SOX6: variants seen among roughly 807,000 people sequenced by gnomAD.
The protein encoded by SOX6 is SRY-box transcription factor 6, also known as transcription factor SOX-6.
Under a neutral mutation model 97.8 loss-of-function variants are expected in SOX6, and 11 were observed. The observed-to-expected ratio is 0.11, with a 90% CI of 0.07 to 0.19. SOX6 has a LOEUF of 0.19. SOX6 is among the 10% of genes least tolerant of loss of function. The pLI is 1.00. For synonymous variants in SOX6, 360 were observed against 371.4 expected (o/e 0.97, Z 0.35); for missense variants, 810 against 1,039.5 (o/e 0.78, Z 3.04).
intron 1 of SOX6, among the ~76,000 whole-genome samples, chr11:16,429,590 A>G (rs1859227435): frequency 6.6e-6 from 1 of 152,178 alleles, no homozygotes; most frequent in Non-Finnish European, 1.5e-5. Flanking sequence ...AAAACCAAAT[A>G]CCACATGTTA....
chr11:16,579,944 C>CTCCAGTTATTATTT (rs768493539), intron 4 of SOX6, among the ~76,000 whole-genome samples: 3 of 152,146 alleles, frequency 2.0e-5, no homozygotes, highest in Non-Finnish European at 4.4e-5. Flanking sequence ...CCCTCACCAA[C>CTCCAGTTATTATTT]ACGCAAGGCA....
upstream of SOX6, among the ~76,000 whole-genome samples, chr11:16,477,551 A>C (rs1322795404): frequency 1.3e-5 from 2 of 152,344 alleles, no homozygotes; most frequent in East Asian, 1.9e-4. Context: ...TTTTCTAGTC[A>C]AGATTTATAG....
chr11:16,450,743 G>T (rs1221162734), intron 1 of SOX6, among the ~76,000 whole-genome samples: 2 of 152,140 alleles, frequency 1.3e-5, no homozygotes, highest in Admixed American at 6.5e-5. Context: ...ATACTATATT[G>T]ATATGATGCT....
intron 6 of SOX6, among the ~76,000 whole-genome samples, chr11:16,121,807 A>G (rs1259738462): frequency 6.6e-6 from 1 of 152,046 alleles, no homozygotes; most frequent in African/African-American, 2.4e-5. Context: ...GGGAAATAGA[A>G]TATCCTGGCC....
At chr11:16,010,842 T>TA (rs892816228) in intron 13 of SOX6, among the ~76,000 whole-genome samples, 22 of 150,896 alleles carry the variant, frequency 1.5e-4, no homozygotes, top group African/African-American at 3.4e-4. Context: ...TTTACTTCTC[T>TA]AAAAAAAAAC....
At chr11:16,239,770 T>C (rs954456220) in intron 3 of SOX6, among the ~76,000 whole-genome samples, 1 of 151,972 alleles carries the variant, frequency 6.6e-6, no homozygotes, top group Non-Finnish European at 1.5e-5. Flanking sequence ...GCACCAACTG[T>C]TTTGGATAAT....
At chr11:16,310,463 A>C (rs1026715285) in intron 3 of SOX6, among the ~76,000 whole-genome samples, 1 of 152,254 alleles carries the variant, frequency 6.6e-6, no homozygotes, top group East Asian at 1.9e-4. Flanking sequence ...TATTTAAACT[A>C]TCTGGTACTA....
chr11:16,101,644 T>G (rs1185604095), intron 7 of SOX6, among the ~76,000 whole-genome samples: 1 of 151,644 alleles, frequency 6.6e-6, no homozygotes, highest in Non-Finnish European at 1.5e-5. Flanking sequence ...GTGAATGAAC[T>G]CACATAAATT....
At chr11:16,178,515 T>C (rs763036908) in intron 6 of SOX6, among the ~76,000 whole-genome samples, 28 of 152,092 alleles carry the variant, frequency 1.8e-4, no homozygotes, top group Non-Finnish European at 2.9e-4. Context: ...CTGTTTTTCC[T>C]GGCTAATTCA....
At chr11:16,521,735 A>AC (rs1861067674) in intron 4 of SOX6, among the ~76,000 whole-genome samples, 1 of 152,176 alleles carries the variant, frequency 6.6e-6, no homozygotes, top group African/African-American at 2.4e-5. Context: ...CTTTGAAAAA[A>AC]ATTTAGACGA....
At chr11:16,264,737 T>A (rs1182127194) in intron 3 of SOX6, 1 of 151,668 alleles carries the variant, frequency 6.6e-6, no homozygotes, top group East Asian at 1.9e-4. Context: ...GTGTTTCACA[T>A]CTTTAATTTT....
At chr11:16,029,630 C>T (rs367746474) in intron 12 of SOX6, among the ~76,000 whole-genome samples, 143 of 148,382 alleles carry the variant, frequency 9.6e-4, no homozygotes, top group African/African-American at 3.3e-3. Flanking sequence ...AGCAAGACTC[C>T]GTCTCAAAAA....
chr11:16,504,865 T>TA (rs1281391412), intron 4 of SOX6, among the ~76,000 whole-genome samples: 9 of 152,170 alleles, frequency 5.9e-5, no homozygotes, highest in African/African-American at 9.7e-5. Flanking sequence ...ATGTTCCTGC[T>TA]TCCCCTTCAC....
chr11:16,542,761 A>T (rs1025624691), intron 4 of SOX6, among the ~76,000 whole-genome samples: 1 of 152,190 alleles, frequency 6.6e-6, no homozygotes, highest in African/African-American at 2.4e-5. Flanking sequence ...TCCTAATATA[A>T]CATGAATAAA....
intron 3 of SOX6, chr11:16,311,785 C>A (rs1855609390): frequency 6.6e-6 from 1 of 152,118 alleles, no homozygotes; most frequent in African/African-American, 2.4e-5. Context: ...AATGAATTTC[C>A]TCATTGTTTA....
intron 3 of SOX6, among the ~76,000 whole-genome samples, chr11:16,247,341 T>G (rs1004799997): frequency 6.6e-6 from 1 of 152,310 alleles, no homozygotes; most frequent in South Asian, 2.1e-4. Context: ...TGACTCCGTA[T>G]TTGGCTATTG....
At chr11:16,695,481 T>C (rs1456707520) in intron 3 of SOX6, among the ~76,000 whole-genome samples, 1 of 152,102 alleles carries the variant, frequency 6.6e-6, no homozygotes, top group African/African-American at 2.4e-5. Context: ...AAACCCAAAA[T>C]AAATCACCAT....
At chr11:16,145,293 T>C (rs1048142283) in intron 6 of SOX6, among the ~76,000 whole-genome samples, 3 of 152,134 alleles carry the variant, frequency 2.0e-5, no homozygotes, top group African/African-American at 7.2e-5. Flanking sequence ...TTTGACAAAA[T>C]TCAACAGCCC....
intron 3 of SOX6, among the ~76,000 whole-genome samples, chr11:16,679,157 C>A (rs1847907258): frequency 6.6e-6 from 1 of 152,230 alleles, no homozygotes; most frequent in Non-Finnish European, 1.5e-5. Flanking sequence ...ACTGCCTCCT[C>A]AAGTGGGTCC....
Sources: gnomAD v4.1 joint callset for allele counts (sites outside exome capture counted in the v4.1 genomes callset) on GRCh38, gnomAD v4.1.1 for gene constraint, MANE v1.5 for transcripts, NCBI Gene and HGNC (gene_info 2026-07-23, HGNC 2026-07-21) for gene names.